The following PRKAA2 variants were observed in gnomAD, a reference collection of about 807,000 sequenced individuals.
PRKAA2 encodes the protein protein kinase AMP-activated catalytic subunit alpha 2.
In PRKAA2, 40 loss-of-function variants were observed where a neutral mutation model predicts 56.3. The ratio of observed to expected loss-of-function variants is 0.71; its 90% CI spans 0.55 to 0.92. PRKAA2 has a LOEUF of 0.92. Ranked by LOEUF, PRKAA2 falls within the 40% of genes least tolerant of loss-of-function variation. PRKAA2 has a pLI of 0.00. For synonymous variants in PRKAA2, 214 were observed against 234.2 expected (o/e 0.91, Z 0.79); for missense variants, 542 against 686.9 (o/e 0.79, Z 2.36).
At chr1:56,677,113 T>G (rs147888062) in intron 2 of PRKAA2, among the ~76,000 whole-genome samples, 1 of 152,268 alleles carries the variant, frequency 6.6e-6, no homozygotes, top group African/African-American at 2.4e-5. Context: ...ACCTTTCCTA[T>G]CCATTGTTTC....
At position 56,712,988 on chromosome 1, in the gene PRKAA2, A is replaced by T. The variant is rs1033349749; in HGVS notation, c.*5275A>T. ...TTTCATTTTGTATGTATATTACATG[A>T]TATAACTATTTTCATAGAATATATT... On this transcript the variant is annotated 3_prime_UTR_variant, in exon 9 of 9. Transcript: ENST00000371244. 5 of 152,214 alleles carry T rather than the reference A, an allele frequency of 3.3e-5. No homozygotes were observed. The highest frequency in any genetic ancestry group is 4.8e-5 in the African/African-American group (2 of 41,462). The allele number at this position is 152,214 out of a possible 1,614,324, so 9.4% of individuals were successfully genotyped here. A position where few individuals can be genotyped will look rare whatever the true frequency, so the allele number is the denominator to read the frequency against.
chr1:56,682,673 AATG>A (rs939832143), intron 2 of PRKAA2, among the ~76,000 whole-genome samples: 5 of 152,136 alleles, frequency 3.3e-5, no homozygotes, highest in African/African-American at 1.2e-4. Context: ...TATAGTGTAG[AATG>A]GGTATGGTGG....
At position 56,645,349 on chromosome 1, in the gene PRKAA2, G is replaced by T. The variant is rs1569689115; in HGVS notation, c.-39G>T. 7.0e-7 allele frequency: 1 copy of T among 1,421,014 alleles called. No individual in the cohort carries two copies. Among genetic ancestry groups the T allele is most frequent in the Non-Finnish European group, 9.3e-7 (1 of 1,072,932 alleles). 88.0% of individuals were successfully genotyped at this position (1,421,014 alleles called of 1,614,324 possible). A position where few individuals can be genotyped will look rare whatever the true frequency, so the allele number is the denominator to read the frequency against. On this transcript the variant is annotated 5_prime_UTR_variant, in exon 1 of 9. Coordinates refer to ENST00000371244, the MANE Select transcript of PRKAA2 (RefSeq NM_006252.4). ...TAGGCGGCGGCGGCGGCGGCTACGC[G>T]GAGCGGCAGGCGGTGGAGCGAGGCC...
intron 1 of PRKAA2, among the ~76,000 whole-genome samples, chr1:56,669,671 C>T (rs193013234): frequency 6.6e-6 from 1 of 152,096 alleles, no homozygotes; most frequent in African/African-American, 2.4e-5. Context: ...AGCCTCTGAC[C>T]CCATCCCATC....
intron 1 of PRKAA2, among the ~76,000 whole-genome samples, chr1:56,662,764 T>G (rs978884174): frequency 2.0e-4 from 31 of 152,062 alleles, no homozygotes; most frequent in Middle Eastern, 3.4e-3. Flanking sequence ...GTGTGTGTGT[T>G]TTTTTTTAAT....
intron 1 of PRKAA2, among the ~76,000 whole-genome samples, chr1:56,646,738 C>T (rs909199685): frequency 6.6e-6 from 1 of 151,968 alleles, no homozygotes; most frequent in African/African-American, 2.4e-5. Flanking sequence ...ATTTTAACCC[C>T]AAGTCAAGGC....
chr1:56,661,932 C>T (rs1643997453), intron 1 of PRKAA2, among the ~76,000 whole-genome samples: 2 of 151,768 alleles, frequency 1.3e-5, no homozygotes, highest in African/African-American at 4.8e-5. Flanking sequence ...GAGTTATAAT[C>T]TTCACTATGT....
At chr1:56,665,568 G>A (rs980901158) in intron 1 of PRKAA2, among the ~76,000 whole-genome samples, 1 of 152,128 alleles carries the variant, frequency 6.6e-6, no homozygotes, top group Non-Finnish European at 1.5e-5. Flanking sequence ...GAGTCATAGA[G>A]TATATACATG....
intron 1 of PRKAA2, among the ~76,000 whole-genome samples, chr1:56,668,013 G>A (rs959281260): frequency 6.6e-6 from 1 of 152,012 alleles, no homozygotes; most frequent in Non-Finnish European, 1.5e-5. Context: ...TGGTAGGCTT[G>A]ATTTTATTTA....
chr1:56,654,836 T>C (rs1370483707), intron 1 of PRKAA2, among the ~76,000 whole-genome samples: 1 of 152,122 alleles, frequency 6.6e-6, no homozygotes. Context: ...ATTTTATGTA[T>C]TTCTTTGGGT....
rs550202240 is a variant in PRKAA2 at position 56,645,633 on chromosome 1, G to A, written c.94+152G>A. 144 of 528,600 alleles carry A rather than the reference G, an allele frequency of 2.7e-4. 1 individual carries two copies. In the African/African-American group the frequency reaches 2.7e-3, roughly 10 times the overall value. 32.7% of individuals were successfully genotyped at this position (528,600 alleles called of 1,614,324 possible). A position where few individuals can be genotyped will look rare whatever the true frequency, so the allele number is the denominator to read the frequency against. Reference sequence around the variant, plus strand: ...GCGGAGCTGGGGCCCCGGGAGGGTGGCGCGCACCGCCTCGCCTGGCACCGG... The same window carrying A: ...GCGGAGCTGGGGCCCCGGGAGGGTGACGCGCACCGCCTCGCCTGGCACCGG... On this transcript the variant is annotated intron_variant, in intron 1 of 8. Coordinates refer to ENST00000371244, the MANE Select transcript of PRKAA2 (RefSeq NM_006252.4).
chr1:56,650,417 C>T (rs569903031), intron 1 of PRKAA2, among the ~76,000 whole-genome samples: 2 of 152,136 alleles, frequency 1.3e-5, no homozygotes, highest in South Asian at 2.1e-4. Flanking sequence ...ACTGTTTAGG[C>T]TCTCACTCTG....
At chr1:56,681,823 T>A (rs1396304094) in intron 2 of PRKAA2, among the ~76,000 whole-genome samples, 1 of 152,202 alleles carries the variant, frequency 6.6e-6, no homozygotes, top group Non-Finnish European at 1.5e-5. Flanking sequence ...GGCTTAGGCT[T>A]GTCTTGGCAA....
chr1:56,684,806 A>T (rs2796514), intron 2 of PRKAA2, among the ~76,000 whole-genome samples: 2 of 151,886 alleles, frequency 1.3e-5, no homozygotes. Context: ...TAGTAACTAT[A>T]GGCAGGAGAG....
intron 2 of PRKAA2, among the ~76,000 whole-genome samples, chr1:56,690,180 T>C (rs72668322): frequency 0.024 from 3,680 of 151,824 alleles, 54 homozygotes; most frequent in South Asian, 0.06. Flanking sequence ...TTTTTTTTTT[T>C]TGAAGCGGAG....
At chr1:56,669,125 G>T (rs1644057176) in intron 1 of PRKAA2, among the ~76,000 whole-genome samples, 1 of 152,056 alleles carries the variant, frequency 6.6e-6, no homozygotes, top group African/African-American at 2.4e-5. Context: ...CTGATAAATG[G>T]CTGAGCTTCC....
chr1:56,675,926 G>C (rs746538322), intron 2 of PRKAA2, among the ~76,000 whole-genome samples: 14 of 151,232 alleles, frequency 9.3e-5, no homozygotes, highest in Non-Finnish European at 1.6e-4. Flanking sequence ...GATTGGTACA[G>C]AGAAAGCATG....
intron 1 of PRKAA2, among the ~76,000 whole-genome samples, chr1:56,655,609 C>G (rs969207819): frequency 6.6e-6 from 1 of 151,842 alleles, no homozygotes; most frequent in Non-Finnish European, 1.5e-5. Context: ...CTCCTATGAC[C>G]CAAACACCTC....
intron 2 of PRKAA2, among the ~76,000 whole-genome samples, 155 bp downstream of exon 2, chr1:56,674,677 T>TC (rs1644100877): frequency 0.02 from 1 of 50 alleles, no homozygotes; most frequent in Non-Finnish European, 0.031. Context: ...TTATCAGTCC[T>TC]TTTTTTGCAT....
Sources: allele counts gnomAD v4.1 joint callset (sites outside exome capture counted in the v4.1 genomes callset), GRCh38; gene constraint gnomAD v4.1.1; transcripts MANE v1.5; gene names NCBI Gene and HGNC (gene_info 2026-07-23, HGNC 2026-07-21).